The following UBE3D variants were observed in gnomAD, a reference collection of about 807,000 sequenced individuals.
UBE3D encodes the protein E3 ubiquitin-protein ligase E3D.
A neutral mutation model predicts 49.6 loss-of-function variants in UBE3D; 48 were observed. The observed-to-expected ratio is 0.97, with a 90% CI of 0.77 to 1.23. The LOEUF is 1.23. Ranked by LOEUF, UBE3D falls within the 50% of genes most tolerant of loss-of-function variation. The pLI, the probability that UBE3D is intolerant of heterozygous loss-of-function variation, is 0.00. For synonymous variants in UBE3D, 189 were observed against 174.2 expected, an observed-to-expected ratio of 1.08 and a Z score of -0.67; for missense variants, 452 against 468.4, an observed-to-expected ratio of 0.96 and a Z score of 0.32.
intron 9 of UBE3D, among the ~76,000 whole-genome samples, chr6:82,938,078 T>C (rs1774725231): frequency 6.6e-6 from 1 of 151,938 alleles, no homozygotes; most frequent in Non-Finnish European, 1.5e-5. Context: ...TCACAAGAAA[T>C]AAGGTTCTAT....
chr6:82,936,645 A>T (rs1281821967), intron 9 of UBE3D, among the ~76,000 whole-genome samples: 1 of 152,196 alleles, frequency 6.6e-6, no homozygotes, highest in Non-Finnish European at 1.5e-5. Flanking sequence ...CTATGGATTA[A>T]TCACACTGTC....
chr6:82,906,690 T>C (rs1035163995), intron 9 of UBE3D, among the ~76,000 whole-genome samples: 6 of 152,174 alleles, frequency 3.9e-5, no homozygotes, highest in Non-Finnish European at 7.4e-5. Context: ...TAACCTCATG[T>C]ATACACATAA....
intron 8 of UBE3D, among the ~76,000 whole-genome samples, chr6:82,978,436 G>T (rs1168095299): frequency 6.6e-6 from 1 of 152,124 alleles, no homozygotes; most frequent in African/African-American, 2.4e-5. Context: ...GTTAGGATCA[G>T]TTTTGCTTTA....
chr6:83,025,086 C>G (rs1781362535), intron 5 of UBE3D, among the ~76,000 whole-genome samples: 2 of 152,218 alleles, frequency 1.3e-5, no homozygotes, highest in African/African-American at 4.8e-5. Flanking sequence ...TAGCAAACAT[C>G]ATATAACTGA....
At chr6:83,041,012 C>T (rs1027788529) in intron 4 of UBE3D, among the ~76,000 whole-genome samples, 1 of 152,214 alleles carries the variant, frequency 6.6e-6, no homozygotes, top group African/African-American at 2.4e-5. Context: ...TAAAACATAC[C>T]TGCATGGCTC....
intron 8 of UBE3D, among the ~76,000 whole-genome samples, chr6:83,008,528 A>C (rs181693089): frequency 5.9e-5 from 9 of 152,342 alleles, no homozygotes; most frequent in African/African-American, 9.6e-5. Context: ...AATACACTTC[A>C]AAGTGTTGAG....
intron 9 of UBE3D, among the ~76,000 whole-genome samples, chr6:82,920,659 C>T (rs1198488877): frequency 1.3e-5 from 2 of 152,186 alleles, no homozygotes; most frequent in African/African-American, 4.8e-5. Flanking sequence ...TAATAAAGCA[C>T]TTGGTATAGA....
chr6:83,042,991 C>G lies in UBE3D; in HGVS notation c.597+1437G>C, dbSNP rs6926779. Among the ~76,000 whole-genome samples, 1,499 of 152,332 alleles carry G rather than the reference C, an allele frequency of 9.8e-3. 27 individuals carry two copies. The highest frequency in any genetic ancestry group is 0.034 in the African/African-American group (1,423 of 41,578). On this transcript the variant is annotated intron_variant, in intron 4 of 9. Coordinates refer to ENST00000369747, the MANE Select transcript of UBE3D (RefSeq NM_198920.3). ...TCATCTAGGCTAACTTGAAGAAAAT[C>G]TTTTCAACAGCATCTTGTCTTGATA...
At chr6:83,011,992 C>T (rs553599207) in intron 8 of UBE3D, among the ~76,000 whole-genome samples, 27 of 152,260 alleles carry the variant, frequency 1.8e-4, no homozygotes, top group African/African-American at 6.3e-4. Context: ...AGTATTGTTA[C>T]CTACTTGCTG....
chr6:82,916,727 A>C (rs1305719510), intron 9 of UBE3D, among the ~76,000 whole-genome samples: 2 of 152,216 alleles, frequency 1.3e-5, no homozygotes, highest in Non-Finnish European at 2.9e-5. Flanking sequence ...AGGAAAAACA[A>C]ATACAAATGG....
At chr6:83,009,279 A>G (rs1218230805) in intron 8 of UBE3D, among the ~76,000 whole-genome samples, 1 of 152,170 alleles carries the variant, frequency 6.6e-6, no homozygotes, top group East Asian at 1.9e-4. Flanking sequence ...TATGGTAACA[A>G]GAACCTACAG....
intron 9 of UBE3D, among the ~76,000 whole-genome samples, chr6:82,950,879 A>ATGTTTG (rs1775740386): frequency 1.3e-5 from 2 of 152,122 alleles, no homozygotes; most frequent in African/African-American, 4.8e-5. Context: ...GCATGTTCTC[A>ATGTTTG]CTTACTTGTG....
At chr6:83,022,592 T>C (rs745626404) in intron 6 of UBE3D, 31 bp from the exon 7 acceptor site, 7 of 1,508,290 alleles carry the variant, frequency 4.6e-6, no homozygotes, top group Non-Finnish European at 5.4e-6. Context: ...TTTTACAATG[T>C]GTATCTCATA....
In UBE3D at chr6:83,028,684, C is replaced by T. The variant is rs138478447; in HGVS notation, c.668-4646G>A. Among the ~76,000 whole-genome samples, 421 of 152,232 alleles carry T rather than the reference C, an allele frequency of 2.8e-3. 1 individual carries two copies. The highest frequency in any genetic ancestry group is 4.9e-3 in the Non-Finnish European group (330 of 68,006). ...TTGAGTCTGCTTTTCTGGTAATTTA[C>T]CCACATTATTTTCCATTTTCCCTGA... is the stretch of plus-strand genomic sequence containing the variant. On this transcript the variant is annotated intron_variant, in intron 5 of 9. Coordinates refer to ENST00000369747, the MANE Select transcript of UBE3D (RefSeq NM_198920.3).
downstream of UBE3D, among the ~76,000 whole-genome samples, chr6:82,888,497 G>T (rs1770928936): frequency 1.3e-5 from 2 of 151,994 alleles, no homozygotes; most frequent in African/African-American, 4.8e-5. Context: ...AAAGTAATCA[G>T]GCTTTGTATA....
chr6:83,032,297 T>A (rs1295829238), intron 5 of UBE3D: 2 of 454,840 alleles, frequency 4.4e-6, no homozygotes, highest in Non-Finnish European at 8.8e-6. Context: ...ACCTCTTGCA[T>A]CAGCATGACC....
chr6:82,901,494 G>C (rs141889757), intron 9 of UBE3D, among the ~76,000 whole-genome samples: 41 of 152,304 alleles, frequency 2.7e-4, no homozygotes, highest in African/African-American at 9.1e-4. Flanking sequence ...GCCTAGCAAG[G>C]GGTGTTTTAA....
chr6:83,058,013 T>C lies in UBE3D; in HGVS notation c.87A>G (p.Lys29=), dbSNP rs911137872. Reference sequence around the variant, plus strand: ...AAATATTCATGGGCATACCTCCTTCTTTCGGTTCTCTGGTAATTAAAAACA... The same window carrying C: ...AAATATTCATGGGCATACCTCCTTCCTTCGGTTCTCTGGTAATTAAAAACA... ...QSALLILGEP[K]EGGMPMNISI... Residue 29 remains lysine, a synonymous_variant, in exon 2 of 10, where the codon AAA becomes AAG. Coordinates refer to ENST00000369747, the MANE Select transcript of UBE3D (RefSeq NM_198920.3). 1 of 1,614,058 alleles carries C rather than the reference T, an allele frequency of 6.2e-7. No homozygotes were observed.
intron 8 of UBE3D, among the ~76,000 whole-genome samples, chr6:82,982,081 C>G (rs1354398381): frequency 1.3e-5 from 2 of 152,098 alleles, no homozygotes; most frequent in Admixed American, 6.6e-5. Context: ...TCAAAAATTT[C>G]AAACATATAC....
Sources: allele counts gnomAD v4.1 joint callset (sites outside exome capture counted in the v4.1 genomes callset), GRCh38; gene constraint gnomAD v4.1.1; transcripts MANE v1.5; gene names NCBI Gene and HGNC (gene_info 2026-07-23, HGNC 2026-07-21).